The following PLCB4 variants were observed in gnomAD, a reference collection of about 807,000 sequenced individuals.
PLCB4 encodes phospholipase C beta 4.
A neutral mutation model predicts 178.8 loss-of-function variants in PLCB4; 77 were observed. That is an observed-to-expected ratio of 0.43 (90% CI 0.36 to 0.52). The LOEUF (loss-of-function observed/expected upper bound fraction) is 0.52. Among genes scored for constraint, PLCB4 ranks in the 20% least tolerant of loss-of-function variants. PLCB4 has a pLI of 0.00. For missense variants in PLCB4, 1,024 were observed against 1,453.4 expected, an observed-to-expected ratio of 0.70 and a Z score of 4.80; for synonymous variants, 496 against 490.8, an observed-to-expected ratio of 1.01 and a Z score of -0.14.
chr20:9,162,667 A>C (rs964211369), intron 2 of PLCB4, among the ~76,000 whole-genome samples: 18 of 152,034 alleles, frequency 1.2e-4, no homozygotes, highest in Admixed American at 3.3e-4. Flanking sequence ...AACATCCTCC[A>C]TGTTTTTTTC....
chr20:9,285,876 G>C (rs2094532232), intron 3 of PLCB4, among the ~76,000 whole-genome samples: 1 of 151,990 alleles, frequency 6.6e-6, no homozygotes, highest in South Asian at 2.1e-4. Context: ...AGTGAAAATA[G>C]TGTCCATGTC....
intron 4 of PLCB4, among the ~76,000 whole-genome samples, chr20:9,320,334 G>A (rs748381624): frequency 4.6e-5 from 7 of 152,184 alleles, no homozygotes; most frequent in Non-Finnish European, 1.0e-4. Flanking sequence ...CTTTTAGCAT[G>A]CTAATGCATT....
At chr20:9,291,962 A>G (rs1212180481) in intron 3 of PLCB4, among the ~76,000 whole-genome samples, 1 of 152,200 alleles carries the variant, frequency 6.6e-6, no homozygotes, top group Non-Finnish European at 1.5e-5. Flanking sequence ...GCAAAGATCT[A>G]TTTATAAAAG....
chr20:9,346,320 A>G (rs983136776), intron 7 of PLCB4, among the ~76,000 whole-genome samples: 1 of 152,210 alleles, frequency 6.6e-6, no homozygotes, highest in African/African-American at 2.4e-5. Flanking sequence ...GAAAAGCTCA[A>G]TCACTAACAT....
intron 2 of PLCB4, among the ~76,000 whole-genome samples, chr20:9,115,420 A>G (rs1287302693): frequency 6.8e-6 from 1 of 146,080 alleles, no homozygotes; most frequent in Non-Finnish European, 1.5e-5. Context: ...ATAGATTTTT[A>G]AAACTTCTTC....
intron 17 of PLCB4, among the ~76,000 whole-genome samples, chr20:9,391,454 G>A (rs1054120207): frequency 2.6e-5 from 4 of 152,178 alleles, no homozygotes; most frequent in Non-Finnish European, 5.9e-5. Context: ...GTAGCATGAG[G>A]TAGTGGCAGA....
At chr20:9,176,872 G>A (rs1022790313) in intron 2 of PLCB4, among the ~76,000 whole-genome samples, 1 of 152,134 alleles carries the variant, frequency 6.6e-6, no homozygotes, top group African/African-American at 2.4e-5. Context: ...TCTGACTTGG[G>A]AAAAGATAAC....
intron 3 of PLCB4, chr20:9,280,576 C>A: frequency 2.7e-6 from 1 of 371,626 alleles, no homozygotes. Context: ...GGCAAGAAAA[C>A]TGATGCCTGC....
chr20:9,119,092 C>G (rs911168092), intron 2 of PLCB4, among the ~76,000 whole-genome samples: 1 of 152,168 alleles, frequency 6.6e-6, no homozygotes, highest in Non-Finnish European at 1.5e-5. Flanking sequence ...TATTCAAAAG[C>G]TTAGACTAAT....
intron 14 of PLCB4, 79 bp from the exon 15 acceptor site, chr20:9,387,384 T>C: frequency 4.2e-6 from 3 of 711,036 alleles, no homozygotes; most frequent in Non-Finnish European, 7.1e-6. Flanking sequence ...AAACAACTTA[T>C]TTTGATGTCT....
At chr20:9,303,585 TG>T (rs1252502251) in intron 3 of PLCB4, among the ~76,000 whole-genome samples, 1 of 152,202 alleles carries the variant, frequency 6.6e-6, no homozygotes, top group Non-Finnish European at 1.5e-5. Context: ...TGCATTCATT[TG>T]TTGTGGGATA....
intron 2 of PLCB4, among the ~76,000 whole-genome samples, chr20:9,137,812 C>T (rs190448835): frequency 6.7e-6 from 1 of 149,512 alleles, no homozygotes; most frequent in East Asian, 2.0e-4. Context: ...GGGCTAGCAA[C>T]AGAAAACACC....
At chr20:9,452,887 G>A (rs1446957553) in intron 32 of PLCB4, among the ~76,000 whole-genome samples, 1 of 152,206 alleles carries the variant, frequency 6.6e-6, no homozygotes, top group African/African-American at 2.4e-5. Flanking sequence ...CAGGTGTTTA[G>A]AAACCATGTC....
chr20:9,218,050 C>G (rs1057156610), intron 3 of PLCB4, among the ~76,000 whole-genome samples: 1 of 152,134 alleles, frequency 6.6e-6, no homozygotes, highest in Non-Finnish European at 1.5e-5. Context: ...TATTCCAGAG[C>G]CAGAATCCTA....
chr20:9,275,764 T>G (rs1254972224), intron 3 of PLCB4, among the ~76,000 whole-genome samples: 1 of 152,076 alleles, frequency 6.6e-6, no homozygotes, highest in Non-Finnish European at 1.5e-5. Flanking sequence ...TTGGAGTGCT[T>G]ATTTTGTCCA....
intron 29 of PLCB4, among the ~76,000 whole-genome samples, chr20:9,436,543 A>G (rs1568831714): frequency 2.0e-5 from 3 of 152,128 alleles, no homozygotes; most frequent in African/African-American, 4.8e-5. Flanking sequence ...TTGTCAAGAC[A>G]GGGTCTCACT....
chr20:9,348,997 T>C (rs539449588), intron 7 of PLCB4, among the ~76,000 whole-genome samples: 1 of 151,948 alleles, frequency 6.6e-6, no homozygotes, highest in South Asian at 2.1e-4. Context: ...TAAAGGAATG[T>C]TGCTCATGAT....
intron 2 of PLCB4, among the ~76,000 whole-genome samples, chr20:9,139,302 C>A (rs1410040803): frequency 6.6e-6 from 1 of 152,086 alleles, no homozygotes; most frequent in Non-Finnish European, 1.5e-5. Flanking sequence ...TGGGTGGTAA[C>A]TGGGCTCAGC....
Position 9,380,122 on chromosome 20 carries a change from C to A in PLCB4, c.813C>A (p.Ile271=). 6.3e-7 allele frequency: 1 copy of A among 1,584,630 alleles called. No homozygotes were observed. The highest frequency in any genetic ancestry group is 1.2e-5 in the South Asian group (1 of 86,834). ...PFYDAKRAMQ[I]IEMYEPDEDL... is the part of the protein sequence containing the mutation. ...ATGATGCCAAAAGGGCAATGCAGAT[C>A]ATTGAGATGTATGAACCTGATGAAG... Residue 271 remains isoleucine (I), a synonymous_variant, in exon 13 of 40, where the codon ATC becomes ATA. Coordinates refer to ENST00000378473, the MANE Select transcript of PLCB4 (RefSeq NM_001377142.1).
Sources: allele counts gnomAD v4.1 joint callset (sites outside exome capture counted in the v4.1 genomes callset), GRCh38; gene constraint gnomAD v4.1.1; transcripts MANE v1.5; gene names NCBI Gene and HGNC (gene_info 2026-07-23, HGNC 2026-07-21).